The following ROR2 variants were observed in gnomAD, a reference collection of about 807,000 sequenced individuals.
ROR2 encodes tyrosine-protein kinase transmembrane receptor ROR2.
A neutral mutation model predicts 74.9 loss-of-function variants in ROR2; 33 were observed. The observed-to-expected ratio is 0.44, with a 90% CI of 0.33 to 0.59. The LOEUF (loss-of-function observed/expected upper bound fraction) is 0.59. ROR2 is among the 20% of genes least tolerant of loss of function. The pLI, the probability that ROR2 is intolerant of heterozygous loss-of-function variation, is 0.02. For missense variants in ROR2, 1,216 were observed against 1,313.8 expected, an observed-to-expected ratio of 0.93 and a Z score of 1.15; for synonymous variants, 586 against 558.7, an observed-to-expected ratio of 1.05 and a Z score of -0.69.
At chr9:91,941,276 C>T (rs568426115) in intron 1 of ROR2, among the ~76,000 whole-genome samples, 2 of 152,208 alleles carry the variant, frequency 1.3e-5, no homozygotes, top group Non-Finnish European at 2.9e-5. Context: ...GGATTACAGG[C>T]GTGAGCCACC....
intron 1 of ROR2, among the ~76,000 whole-genome samples, chr9:91,839,210 C>T (rs1008186329): frequency 6.6e-6 from 1 of 151,814 alleles, no homozygotes; most frequent in Non-Finnish European, 1.5e-5. Flanking sequence ...AAAACACCTC[C>T]TCCAATATCC....
intron 1 of ROR2, among the ~76,000 whole-genome samples, chr9:91,881,991 C>G (rs898443764): frequency 6.6e-6 from 1 of 152,106 alleles, no homozygotes; most frequent in African/African-American, 2.4e-5. Context: ...TGTAGGGTTC[C>G]ACACAGGAGC....
intron 2 of ROR2, 71 bp downstream of exon 2, chr9:91,775,670 T>C: frequency 6.9e-7 from 1 of 1,447,444 alleles, no homozygotes; most frequent in Non-Finnish European, 9.7e-7. Context: ...CTTCAGGCAA[T>C]GGCAGTGCAA....
chr9:91,911,430 G>A (rs996323318), intron 1 of ROR2, among the ~76,000 whole-genome samples: 8 of 152,180 alleles, frequency 5.3e-5, no homozygotes, highest in African/African-American at 1.9e-4. Context: ...ATCTAACACA[G>A]AAAAGTGCAG....
At position 91,740,288 on chromosome 9, in the gene ROR2, C is replaced by A. The variant is rs544602141; in HGVS notation, c.495-2770G>T. Among the ~76,000 whole-genome samples, 15 of 152,276 alleles carry A rather than the reference C, an allele frequency of 9.9e-5. No individual in the cohort carries two copies. In the East Asian group the frequency reaches 2.9e-3, roughly 29 times the overall value. ...TCCAGGCTGGGCGCGGTGGCTCAAACCTGTAATCCCAGCACTTTGGGAGGC... is the reference window on the plus strand; with the variant it reads ...TCCAGGCTGGGCGCGGTGGCTCAAAACTGTAATCCCAGCACTTTGGGAGGC... On this transcript the variant is annotated intron_variant, in intron 4 of 8. Coordinates refer to ENST00000375708, the MANE Select transcript of ROR2 (RefSeq NM_004560.4).
intron 1 of ROR2, among the ~76,000 whole-genome samples, chr9:91,924,621 A>G (rs576873143): frequency 5.3e-5 from 8 of 152,100 alleles, no homozygotes; most frequent in African/African-American, 1.4e-4. Context: ...GTGAAACCCC[A>G]TCTCTACTAA....
At chr9:91,848,451 C>T (rs1017190524) in intron 1 of ROR2, among the ~76,000 whole-genome samples, 9 of 152,058 alleles carry the variant, frequency 5.9e-5, no homozygotes, top group East Asian at 1.9e-4. Context: ...ATCTGGCTAA[C>T]GCTTAATTTT....
chr9:91,759,543 G>A (rs1226449516), intron 2 of ROR2, among the ~76,000 whole-genome samples: 1 of 152,058 alleles, frequency 6.6e-6, no homozygotes, highest in Non-Finnish European at 1.5e-5. Flanking sequence ...GCACAGCATG[G>A]GGAATCTGCA....
chr9:91,948,011 C>G (rs924996201), intron 1 of ROR2, among the ~76,000 whole-genome samples: 2 of 152,120 alleles, frequency 1.3e-5, no homozygotes, highest in Non-Finnish European at 2.9e-5. Context: ...AGAAAAAGAA[C>G]AGGGTTCAAA....
At chr9:91,758,375 G>A (rs1393133659) in intron 2 of ROR2, among the ~76,000 whole-genome samples, 2 of 152,162 alleles carry the variant, frequency 1.3e-5, no homozygotes, top group Non-Finnish European at 2.9e-5. Context: ...TTCACGCTCA[G>A]AAAGTCCCTC....
At chr9:91,788,606 T>C (rs962294137) in intron 1 of ROR2, among the ~76,000 whole-genome samples, 2 of 152,052 alleles carry the variant, frequency 1.3e-5, no homozygotes, top group Non-Finnish European at 2.9e-5. Flanking sequence ...GGCTCACTCC[T>C]GTAATCCCAG....
rs144614139 is a variant in ROR2, at chr9:91,817,506, T to C, written c.98-41688A>G. On this transcript the variant is annotated intron_variant, in intron 1 of 8. Transcript: ENST00000375708. The stretch of plus-strand genomic sequence containing the variant: ...GCTGCCACCTGCTACATCTGACCCC[T>C]GCAACTTGCAGGCTCCTCCAGCTTG... Among the ~76,000 whole-genome samples, 791 of 152,306 alleles carry C rather than the reference T, an allele frequency of 5.2e-3. 6 individuals carry two copies. Among genetic ancestry groups the C allele is most frequent in the African/African-American group, 0.018 (764 of 41,566 alleles).
At position 91,905,610 on chromosome 9, in the gene ROR2, C is replaced by T. The variant is rs531301932; in HGVS notation, c.97+44257G>A. Among the ~76,000 whole-genome samples, 3 of 152,012 alleles carry T rather than the reference C, an allele frequency of 2.0e-5. No homozygotes were observed. The highest frequency in any genetic ancestry group is 7.2e-5 in the African/African-American group (3 of 41,458). On this transcript the variant is annotated intron_variant, in intron 1 of 8. Coordinates refer to ENST00000375708, the MANE Select transcript of ROR2 (RefSeq NM_004560.4). The surrounding 1 kb of genome is among the most constrained non-coding windows in gnomAD (Gnocchi z 5.3). ...AACATCACACATGCCACACACAACA[C>T]ATATACAGATGCCCCCAACACACAT...
At chr9:91,895,410 GATAATGAT>G (rs1316785336) in intron 1 of ROR2, among the ~76,000 whole-genome samples, 1 of 152,192 alleles carries the variant, frequency 6.6e-6, no homozygotes, top group East Asian at 1.9e-4. Context: ...GACTCTGGGT[GATAATGAT>G]ATATCAATAT....
intron 1 of ROR2, among the ~76,000 whole-genome samples, chr9:91,904,956 T>A (rs1469649096): frequency 6.7e-6 from 1 of 149,850 alleles, no homozygotes; most frequent in Non-Finnish European, 1.5e-5. Context: ...ACACAAGACA[T>A]ACACAAATGT....
Position 91,726,566 on chromosome 9 carries a change from A to G in ROR2, c.1361T>C (p.Met454Thr). ...CTGTTTGTGCTGGTTAATGAGGGGC[A>G]TTTCCATGTCTTGGCTGGGCGAGGC... ...LMASPSQDME[M>T]PLINQHKQAK... Residue 454 changes from methionine to threonine, a missense_variant, in exon 8 of 9, where the codon ATG becomes ACG. Transcript: ENST00000375708. 1 of 1,612,868 alleles carries G rather than the reference A, an allele frequency of 6.2e-7. No individual in the cohort carries two copies. The highest frequency in any genetic ancestry group is 8.5e-7 in the Non-Finnish European group (1 of 1,180,016).
chr9:91,906,143 G>T (rs952472831), intron 1 of ROR2, among the ~76,000 whole-genome samples: 5 of 152,160 alleles, frequency 3.3e-5, no homozygotes, highest in African/African-American at 1.2e-4. Flanking sequence ...GCCAGGCTGT[G>T]ACCACAACTC....
intron 1 of ROR2, among the ~76,000 whole-genome samples, chr9:91,859,457 C>A (rs565983199): frequency 2.0e-5 from 3 of 152,078 alleles, no homozygotes; most frequent in Non-Finnish European, 4.4e-5. Context: ...GATCTGAAGG[C>A]GGCAAGGGTA....
intron 1 of ROR2, among the ~76,000 whole-genome samples, chr9:91,817,402 G>C (rs1353314334): frequency 6.6e-6 from 1 of 152,196 alleles, no homozygotes; most frequent in East Asian, 1.9e-4. Context: ...GTGCAAGATA[G>C]AGACAGTGAC....
Sources: gnomAD v4.1 joint callset for allele counts (sites outside exome capture counted in the v4.1 genomes callset) on GRCh38, gnomAD v4.1.1 for gene constraint, Gnocchi (gnomAD v3.1) non-coding constraint, MANE v1.5 for transcripts, NCBI Gene and HGNC (gene_info 2026-07-23, HGNC 2026-07-21) for gene names.